ITIH2: variants seen among roughly 807,000 people sequenced by gnomAD.
ITIH2 encodes the protein inter-alpha-trypsin inhibitor heavy chain 2, also known as inter-alpha-trypsin inhibitor heavy chain H2.
Under a neutral mutation model 104.4 loss-of-function variants are expected in ITIH2, and 103 were observed. The ratio of observed to expected loss-of-function variants is 0.99; its 90% confidence interval spans 0.84 to 1.16. ITIH2 has a LOEUF of 1.16. Ranked by LOEUF, ITIH2 falls within the 50% of genes most tolerant of loss-of-function variation. The pLI is 0.00. For synonymous variants in ITIH2, 436 were observed against 435.4 expected (o/e 1.00, Z -0.02); for missense variants, 1,108 against 1,162.4 (o/e 0.95, Z 0.68).
At chr10:7,736,744 G>C (rs981616945) in intron 15 of ITIH2, among the ~76,000 whole-genome samples, 2 of 152,100 alleles carry the variant, frequency 1.3e-5, no homozygotes, top group African/African-American at 4.8e-5. Flanking sequence ...ATGTATTCAT[G>C]GGTAAGTATT....
At position 7,720,919 on chromosome 10, in the gene ITIH2, G is replaced by A. The variant is rs773355835; in HGVS notation, c.694G>A (p.Gly232Ser). 7 of 1,613,828 alleles carry A rather than the reference G, an allele frequency of 4.3e-6. No individual in the cohort carries two copies. The highest frequency in any genetic ancestry group is 5.1e-6 in the Non-Finnish European group (6 of 1,179,738). ...RFLHVPDTFE[G>S]HFDGVPVISK... The stretch of plus-strand genomic sequence containing the variant: ...TCTTCATGTTCCCGACACATTTGAA[G>A]GCCATTTCGATGGTGTTCCGGTCAT... The change falls in exon 7 of 21, where the codon GGC (glycine) becomes AGC (serine). Residue 232 changes from glycine to serine, a missense_variant. Gly to Ser is a moderately conservative substitution (Grantham distance 56). Coordinates refer to ENST00000358415, the MANE Select transcript of ITIH2 (RefSeq NM_002216.3).
At position 7,732,006 on chromosome 10, in the gene ITIH2, C is replaced by T; in HGVS notation, c.1647+10C>T. The T allele has an allele frequency of 6.2e-7, 1 of 1,602,348 alleles. No individual in the cohort carries two copies. The highest frequency in any genetic ancestry group is 2.2e-5 in the East Asian group (1 of 44,828). ...TATCACGGCGACTTCGGTACTTCCA[C>T]TTATCCATTTATTCTATCTACTAAC... On this transcript the variant is annotated intron_variant, in intron 13 of 20. Transcript: ENST00000358415.
intron 11 of ITIH2, among the ~76,000 whole-genome samples, chr10:7,729,093 C>A (rs1216849828): frequency 6.6e-6 from 1 of 152,146 alleles, no homozygotes; most frequent in Non-Finnish European, 1.5e-5. Context: ...GTGGGTGGAT[C>A]ACCTGAGGTC....
intron 15 of ITIH2, among the ~76,000 whole-genome samples, chr10:7,735,957 G>C (rs1485279114): frequency 2.6e-5 from 4 of 152,108 alleles, no homozygotes; most frequent in African/African-American, 9.7e-5. Flanking sequence ...ACAGGCGTGA[G>C]CCACCGTGCC....
intron 18 of ITIH2, 58 bp from the exon 19 acceptor site, chr10:7,744,733 G>A (rs144371663): frequency 6.9e-7 from 1 of 1,447,440 alleles, no homozygotes; most frequent in East Asian, 2.3e-5. Context: ...TGAGAAGAAT[G>A]ACTTTCTCAA....
chr10:7,732,409 G>T lies in ITIH2; in HGVS notation c.1719G>T (p.Lys573Asn), dbSNP rs376261360. Residue 573 changes from lysine (K) to asparagine (N), a missense_variant, in exon 14 of 21, where the codon AAG becomes AAT. Physicochemically the swap from Lys to Asn is moderately conservative, Grantham distance 94. Coordinates refer to ENST00000358415, the MANE Select transcript of ITIH2 (RefSeq NM_002216.3). The stretch of plus-strand genomic sequence containing the variant: ...TGCAGGATTTTCTATCGAAAGACAA[G>T]CATGCAGATCCCGATTTCACCAGGA... Reference protein sequence around the residue: ...DDLQDFLSKDKHADPDFTRKL... With the variant: ...DDLQDFLSKDNHADPDFTRKL... The T allele has an allele frequency of 6.2e-7, 1 of 1,614,084 alleles. No homozygotes were observed. Among genetic ancestry groups the T allele is most frequent in the Non-Finnish European group, 8.5e-7 (1 of 1,179,988 alleles).
intron 6 of ITIH2, 60 bp downstream of exon 6, chr10:7,717,848 T>C: frequency 6.6e-7 from 1 of 1,511,794 alleles, no homozygotes; most frequent in East Asian, 2.3e-5. Flanking sequence ...CTGACCCTGA[T>C]TTATACTTTC....
At chr10:7,721,024 C>A in intron 7 of ITIH2, 61 bp downstream of exon 7, 2 of 1,032,962 alleles carry the variant, frequency 1.9e-6, no homozygotes, top group Non-Finnish European at 3.1e-6. Flanking sequence ...GGGTTCTGTT[C>A]TCCTTCTGTG....
At chr10:7,722,371 A>G (rs1347067889) in intron 8 of ITIH2, among the ~76,000 whole-genome samples, 1 of 152,172 alleles carries the variant, frequency 6.6e-6, no homozygotes, top group African/African-American at 2.4e-5. Flanking sequence ...GCCAAAGGGC[A>G]GAGGAAAGAG....
intron 4 of ITIH2, among the ~76,000 whole-genome samples, chr10:7,712,930 C>A (rs914307060): frequency 1.3e-5 from 2 of 152,080 alleles, no homozygotes; most frequent in African/African-American, 4.8e-5. Flanking sequence ...ACCATCCTGG[C>A]CAACATGGCG....
chr10:7,721,421 C>T (rs931254242), intron 7 of ITIH2, among the ~76,000 whole-genome samples: 6 of 152,192 alleles, frequency 3.9e-5, no homozygotes, highest in African/African-American at 1.4e-4. Context: ...GGAAATTCTT[C>T]GGCTTTCTTC....
intron 5 of ITIH2, 37 bp downstream of exon 5, chr10:7,713,322 C>A: frequency 6.6e-7 from 1 of 1,507,138 alleles, no homozygotes; most frequent in Non-Finnish European, 9.2e-7. Flanking sequence ...CCTTGCCTCT[C>A]AATGACGGTT....
Position 7,732,016 on chromosome 10 carries a change from T to A in ITIH2, c.1647+20T>A, listed in dbSNP as rs774185303. Reference sequence around the variant, plus strand: ...ACTTCGGTACTTCCACTTATCCATTTATTCTATCTACTAACTGACCCCCTA... The same window carrying A: ...ACTTCGGTACTTCCACTTATCCATTAATTCTATCTACTAACTGACCCCCTA... On this transcript the variant is annotated intron_variant, in intron 13 of 20. Coordinates refer to ENST00000358415, the MANE Select transcript of ITIH2 (RefSeq NM_002216.3). 6.3e-7 allele frequency: 1 copy of A among 1,575,940 alleles called. No homozygotes were observed. Among genetic ancestry groups the A allele is most frequent in the Admixed American group, 1.7e-5 (1 of 59,400 alleles).
At chr10:7,722,667 C>T (rs1834915277) in intron 8 of ITIH2, among the ~76,000 whole-genome samples, 1 of 152,152 alleles carries the variant, frequency 6.6e-6, no homozygotes, top group African/African-American at 2.4e-5. Flanking sequence ...ACTATCTCAA[C>T]CTGGCCCAGC....
intron 20 of ITIH2, among the ~76,000 whole-genome samples, chr10:7,747,428 G>C (rs1378469113): frequency 6.6e-6 from 1 of 152,174 alleles, no homozygotes; most frequent in Non-Finnish European, 1.5e-5. Flanking sequence ...TGCCACGAAA[G>C]TAGATTTGTG....
At chr10:7,705,044 C>G in intron 1 of ITIH2, 64 bp from the exon 2 acceptor site, 1 of 1,057,130 alleles carries the variant, frequency 9.5e-7, no homozygotes, top group Non-Finnish European at 1.4e-6. Flanking sequence ...ACGTTGTGCA[C>G]ATGTACCCCA....
At position 7,729,990 on chromosome 10, in the gene ITIH2, G is replaced by A; in HGVS notation, c.1318G>A (p.Glu440Lys). The A allele has an allele frequency of 1.9e-6, 3 of 1,609,302 alleles. 1 individual carries two copies. Among genetic ancestry groups the A allele is most frequent in the South Asian group, 2.2e-5 (2 of 89,536 alleles). Residue 440 changes from glutamate to lysine, a missense_variant, in exon 12 of 21, where the codon GAG (glutamate) becomes AAG (lysine). Physicochemically the swap from Glu to Lys is moderately conservative, Grantham distance 56. Coordinates refer to ENST00000358415, the MANE Select transcript of ITIH2 (RefSeq NM_002216.3). The part of the protein sequence containing the change: ...KLSKIQKNVK[E>K]NIQDNISLFS... ...GTCAAAAATTCAGAAAAACGTTAAG[G>A]AGAACATCCAAGACAATATCTCCTT...
Position 7,717,739 on chromosome 10 carries a change from A to G in ITIH2, c.581A>G (p.Tyr194Cys), listed in dbSNP as rs770139194. Residue 194 changes from tyrosine to cysteine, a missense_variant, in exon 6 of 21, where the codon TAT (tyrosine) becomes TGT (cysteine). Coordinates refer to ENST00000358415, the MANE Select transcript of ITIH2 (RefSeq NM_002216.3). ...GTGAAGTGGAGGAAGCTGGGCTCCTATGAGCACAGGATCTATCTGCAACCT... is the reference window on the plus strand; with the variant it reads ...GTGAAGTGGAGGAAGCTGGGCTCCTGTGAGCACAGGATCTATCTGCAACCT... ...QEVKWRKLGS[Y>C]EHRIYLQPGR... is the part of the protein sequence containing the mutation. 2 of 1,613,084 alleles carry G rather than the reference A, an allele frequency of 1.2e-6. No homozygotes were observed. The highest frequency in any genetic ancestry group is 1.1e-5 in the South Asian group (1 of 91,020).
Position 7,746,708 on chromosome 10 carries a change from G to C in ITIH2, c.2693+4G>C, listed in dbSNP as rs765077031. 3.8e-6 allele frequency: 6 copies of C among 1,587,552 alleles called. No individual in the cohort carries two copies. In the Admixed American group the frequency reaches 8.4e-5, roughly 22 times the overall value. On this transcript the variant is annotated splice_donor_region_variant and intron_variant, in intron 20 of 20. Transcript: ENST00000358415. ...GGCAGAAGCTGATCATCACCAGGTA[G>C]GCCTCGGGCGTAAGGACAGTGACGA...
Sources: allele counts gnomAD v4.1 joint callset (sites outside exome capture counted in the v4.1 genomes callset), GRCh38; gene constraint gnomAD v4.1.1; transcripts MANE v1.5; gene names NCBI Gene and HGNC (gene_info 2026-07-23, HGNC 2026-07-21).